The following HMGN3 variants were observed in gnomAD, a reference collection of about 807,000 sequenced individuals.
The protein encoded by HMGN3 is high mobility group nucleosomal binding domain 3, also known as high mobility group nucleosome-binding domain-containing protein 3.
A neutral mutation model predicts 18.8 loss-of-function variants in HMGN3; 6 were observed. The observed-to-expected ratio is 0.32, with a 90% CI of 0.18 to 0.63. The LOEUF is 0.63. Among genes scored for constraint, HMGN3 ranks in the 30% least tolerant of loss-of-function variants. HMGN3 has a pLI of 0.79. For synonymous variants in HMGN3, 40 were observed against 36.5 expected (o/e 1.10, Z -0.35); for missense variants, 107 against 114.2 (o/e 0.94, Z 0.29).
At chr6:79,211,510 T>C (rs1776692524) in intron 2 of HMGN3, among the ~76,000 whole-genome samples, 2 of 149,886 alleles carry the variant, frequency 1.3e-5, no homozygotes, top group African/African-American at 4.9e-5. Flanking sequence ...GGAAAAGTGG[T>C]CCAGAGACTG....
rs578143021 is a variant in HMGN3 at position 79,234,601 on chromosome 6, G to T, written c.-41C>A. The T allele has an allele frequency of 1.9e-6, 3 of 1,606,436 alleles. No individual in the cohort carries two copies. The African/African-American group carries it at 4.0e-5, about 21-fold the overall frequency. On this transcript the variant is annotated 5_prime_UTR_variant, in exon 1 of 6. Transcript: ENST00000344726. ...GAAGCAAAAAGTAAAGCAACGGACT[G>T]GAACTGCTGGCGCCGCCGCTGGATG...
intron 1 of HMGN3, 64 bp from the exon 2 acceptor site, chr6:79,215,086 T>C (rs1422498824): frequency 9.0e-6 from 9 of 997,992 alleles, no homozygotes; most frequent in Non-Finnish European, 1.4e-5. Context: ...AAAAATGTTT[T>C]TAAAAAGTTA....
At position 79,201,588 on chromosome 6, in the gene HMGN3, G is replaced by A. The variant is rs199768088; in HGVS notation, c.*100C>T. 7.7e-5 allele frequency: 63 copies of A among 816,164 alleles called. 1 individual carries two copies. In the East Asian group the frequency reaches 1.3e-3, roughly 17 times the overall value. The allele number at this position is 816,164 out of a possible 1,614,324, so 50.6% of individuals were successfully genotyped here. On this transcript the variant is annotated 3_prime_UTR_variant, in exon 6 of 6. Coordinates refer to ENST00000344726, the Ensembl canonical transcript of HMGN3. ...ATATATTTTCGTATGCCAACTAGTA[G>A]AGTCCTAAAAAATTAGCATTTACAA... is the stretch of plus-strand genomic sequence containing the variant.
intron 1 of HMGN3, among the ~76,000 whole-genome samples, chr6:79,215,980 CA>C (rs1561993519): frequency 6.6e-6 from 1 of 152,144 alleles, no homozygotes; most frequent in East Asian, 1.9e-4. Context: ...TGACATTTGA[CA>C]CGATGTTTGG....
intron 1 of HMGN3, among the ~76,000 whole-genome samples, chr6:79,220,372 A>AC (rs1561997143): frequency 6.6e-6 from 1 of 152,230 alleles, no homozygotes; most frequent in Non-Finnish European, 1.5e-5. Context: ...GACATAGTAT[A>AC]CCCTTCCATT....
chr6:79,208,619 T>C (rs373451128), intron 2 of HMGN3, 43 bp from the exon 3 acceptor site: 6 of 1,473,636 alleles, frequency 4.1e-6, no homozygotes, highest in Admixed American at 3.3e-5. Flanking sequence ...TTGGTGATTA[T>C]ATAAAACGAA....
chr6:79,233,931 G>C (rs1778000832), intron 1 of HMGN3: 1 of 152,522 alleles, frequency 6.6e-6, no homozygotes, highest in Non-Finnish European at 1.5e-5. Flanking sequence ...ACTGCGGGTA[G>C]GTCCAGGCCG....
chr6:79,223,439 A>G (rs1777405403), intron 1 of HMGN3, among the ~76,000 whole-genome samples: 1 of 152,174 alleles, frequency 6.6e-6, no homozygotes, highest in South Asian at 2.1e-4. Flanking sequence ...TGAACCTGGG[A>G]GGCAGAGGTT....
rs756015865 is a variant in HMGN3 at position 79,203,537 on chromosome 6, T to C, written c.147+43A>G. ...TTCTGAGGTAGGGAATTATAATTTA[T>C]TCATTGTTTAAAAAGCCAAAAGTGG... On this transcript the variant is annotated intron_variant, in intron 4 of 5. Coordinates refer to ENST00000344726, the Ensembl canonical transcript of HMGN3. The C allele has an allele frequency of 2.3e-5, 34 of 1,463,390 alleles. No individual in the cohort carries two copies. In the East Asian group the frequency reaches 5.7e-4, roughly 24 times the overall value. 90.7% of individuals were successfully genotyped at this position (1,463,390 alleles called of 1,614,324 possible).
intron 5 of HMGN3, chr6:79,202,116 T>C: frequency 1.3e-6 from 2 of 1,544,946 alleles, no homozygotes; most frequent in Non-Finnish European, 1.7e-6. Flanking sequence ...GGGGTGCCTC[T>C]GGAGGTTGAG....
intron 1 of HMGN3, among the ~76,000 whole-genome samples, chr6:79,225,564 T>C (rs1777524877): frequency 6.6e-6 from 1 of 152,218 alleles, no homozygotes; most frequent in Non-Finnish European, 1.5e-5. Context: ...TATTGTATAA[T>C]ATGCAAGCGT....
intron 2 of HMGN3, among the ~76,000 whole-genome samples, chr6:79,211,983 G>A (rs1371388389): frequency 6.7e-6 from 1 of 150,206 alleles, no homozygotes; most frequent in African/African-American, 2.5e-5. Context: ...AGATGTTGTT[G>A]CTCCTGAGCC....
intron 2 of HMGN3, among the ~76,000 whole-genome samples, chr6:79,211,545 G>A (rs935653083): frequency 2.7e-5 from 4 of 148,732 alleles, no homozygotes; most frequent in Admixed American, 6.7e-5. Flanking sequence ...TCTGACATTC[G>A]CTATTTCCCT....
chr6:79,232,010 T>A (rs1032632660), intron 1 of HMGN3, among the ~76,000 whole-genome samples: 7 of 152,290 alleles, frequency 4.6e-5, no homozygotes, highest in Admixed American at 2.6e-4. Flanking sequence ...AACAACTTAC[T>A]CAGATGTTCA....
chr6:79,206,916 A>C (rs887168390), intron 3 of HMGN3, among the ~76,000 whole-genome samples: 1 of 152,216 alleles, frequency 6.6e-6, no homozygotes, highest in Non-Finnish European at 1.5e-5. Flanking sequence ...AAAGGAGTCA[A>C]AGATCATTTT....
intron 3 of HMGN3, 68 bp downstream of exon 3, chr6:79,208,479 G>T: frequency 7.9e-7 from 1 of 1,264,822 alleles, no homozygotes. Context: ...TCCTTTTGCT[G>T]CTTCACTTTG....
intron 3 of HMGN3, among the ~76,000 whole-genome samples, chr6:79,204,262 T>C (rs1206508382): frequency 6.6e-6 from 1 of 152,234 alleles, no homozygotes; most frequent in Non-Finnish European, 1.5e-5. Flanking sequence ...ATCATTATAA[T>C]GATAAAATGT....
At chr6:79,203,259 G>C (rs1776238447) in intron 4 of HMGN3, among the ~76,000 whole-genome samples, 2 of 152,134 alleles carry the variant, frequency 1.3e-5, no homozygotes. Flanking sequence ...CTCCCATAGT[G>C]GGGCAGTGCT....
intron 2 of HMGN3, among the ~76,000 whole-genome samples, chr6:79,210,890 A>G (rs1388987533): frequency 6.6e-6 from 1 of 151,910 alleles, no homozygotes. Flanking sequence ...TTCCAGAGAC[A>G]TTCCAATCTA....
Sources: allele counts gnomAD v4.1 joint callset (sites outside exome capture counted in the v4.1 genomes callset), GRCh38; gene constraint gnomAD v4.1.1; transcripts MANE v1.5; gene names NCBI Gene and HGNC (gene_info 2026-07-23, HGNC 2026-07-21).